Variants in GALNT18 observed in about 807,000 individuals in gnomAD.
The protein encoded by GALNT18 is GalNAc-transferase 18.
A neutral mutation model predicts 69.5 loss-of-function variants in GALNT18; 44 were observed. The observed-to-expected ratio is 0.63, with a 90% CI of 0.50 to 0.81. GALNT18 has a LOEUF of 0.81. GALNT18 is among the 40% of genes least tolerant of loss of function. The probability of loss-of-function intolerance (pLI) is 0.00; values close to 1 mark genes in which losing one functional copy is unlikely to be tolerated. For synonymous variants in GALNT18, 364 were observed against 318.2 expected (o/e 1.14, Z -1.53); for missense variants, 715 against 810.0 (o/e 0.88, Z 1.42).
intron 1 of GALNT18, among the ~76,000 whole-genome samples, chr11:11,495,292 T>A (rs536798688): frequency 6.6e-6 from 1 of 152,308 alleles, no homozygotes; most frequent in South Asian, 2.1e-4. Flanking sequence ...GCTAAACATG[T>A]TTCTTTCCGA....
At chr11:11,450,730 C>T (rs901995245) in intron 1 of GALNT18, among the ~76,000 whole-genome samples, 8 of 152,330 alleles carry the variant, frequency 5.3e-5, no homozygotes, top group South Asian at 2.1e-4. Context: ...ACTCCTACCA[C>T]GAGCCAGGCT....
intron 3 of GALNT18, among the ~76,000 whole-genome samples, chr11:11,412,293 C>A (rs899593521): frequency 1.2e-4 from 19 of 152,154 alleles, no homozygotes; most frequent in Non-Finnish European, 2.6e-4. Flanking sequence ...CCCTACTAGA[C>A]CCCTACTAGA....
chr11:11,605,915 C>T lies in GALNT18; in HGVS notation c.235+15444G>A, dbSNP rs1367492064. ...CACACTGCACACACGCTCATGCGCA[C>T]ACACACACACCACTGAGCTTCAGCT... On this transcript the variant is annotated intron_variant, in intron 1 of 10. Transcript: ENST00000227756. This position sits in a 1 kb window ranked among gnomAD's most constrained non-coding sequence, Gnocchi z 4.7. Among the ~76,000 whole-genome samples the T allele has an allele frequency of 6.6e-6, 1 of 152,074 alleles. No individual in the cohort carries two copies. Among genetic ancestry groups the T allele is most frequent in the East Asian group, 1.9e-4 (1 of 5,188 alleles).
chr11:11,593,814 C>T (rs981109746), intron 1 of GALNT18, among the ~76,000 whole-genome samples: 3 of 152,150 alleles, frequency 2.0e-5, no homozygotes, highest in African/African-American at 7.2e-5. Flanking sequence ...CAGCCTTTCT[C>T]AATTGCACTG....
intron 1 of GALNT18, among the ~76,000 whole-genome samples, chr11:11,577,760 G>C (rs927594478): frequency 6.6e-6 from 1 of 152,196 alleles, no homozygotes; most frequent in Non-Finnish European, 1.5e-5. Flanking sequence ...GGCACTTTGA[G>C]GGAGAGAGCA....
Position 11,511,092 on chromosome 11 carries a change from G to T in GALNT18, c.236-62156C>A, listed in dbSNP as rs1423573690. ...AGCCTGCCAGGTGATGCAAGAGAGG[G>T]CCAGGCTGCAGCTGAAGGCCTTCTC... On this transcript the variant is annotated intron_variant, in intron 1 of 10. Coordinates refer to ENST00000227756, the MANE Select transcript of GALNT18 (RefSeq NM_198516.3). The surrounding 1 kb of genome is among the most constrained non-coding windows in gnomAD (Gnocchi z 4.9). 2.0e-5 allele frequency among the ~76,000 whole-genome samples: 3 copies of T among 151,974 alleles called. No homozygotes were observed. The highest frequency in any genetic ancestry group is 3.9e-4 in the East Asian group (2 of 5,178).
At chr11:11,394,905 C>A (rs150288243) in intron 3 of GALNT18, among the ~76,000 whole-genome samples, 10 of 152,292 alleles carry the variant, frequency 6.6e-5, no homozygotes, top group Middle Eastern at 3.4e-3. Context: ...ACCATGGAAA[C>A]GACTCATAGA....
rs1342138735 is a variant in GALNT18, at chr11:11,397,257, C to T, written c.596-17993G>A. Among the ~76,000 whole-genome samples the T allele has an allele frequency of 2.6e-5, 4 of 152,034 alleles. No homozygotes were observed. The East Asian group carries it at 7.7e-4, about 29-fold the overall frequency. On this transcript the variant is annotated intron_variant, in intron 3 of 10. Transcript: ENST00000227756. Reference sequence around the variant, plus strand: ...GAAATGCCCGTGTCTTTTCACAGTGCCTGCTTGAGAGAGAAGGGGAGGCCA... The same window carrying T: ...GAAATGCCCGTGTCTTTTCACAGTGTCTGCTTGAGAGAGAAGGGGAGGCCA...
At chr11:11,517,980 C>T (rs1857318607) in intron 1 of GALNT18, among the ~76,000 whole-genome samples, 1 of 152,234 alleles carries the variant, frequency 6.6e-6, no homozygotes, top group Non-Finnish European at 1.5e-5. Context: ...TAGGCTTTCT[C>T]TATGCGCCAG....
intron 5 of GALNT18, among the ~76,000 whole-genome samples, chr11:11,376,418 G>GC (rs2133685075): frequency 7.2e-6 from 1 of 139,838 alleles, no homozygotes; most frequent in South Asian, 2.4e-4. Context: ...ATAAAAACTA[G>GC]TGGGGACAGC....
At position 11,532,666 on chromosome 11, in the gene GALNT18, A is replaced by G. The variant is rs28488680; in HGVS notation, c.236-83730T>C. Among the ~76,000 whole-genome samples the G allele has an allele frequency of 6.5e-3, 987 of 152,362 alleles. 19 individuals carry two copies. Among genetic ancestry groups the G allele is most frequent in the African/African-American group, 0.023 (947 of 41,584 alleles). ...TTGAACAACATAATGGAATATGTCT[A>G]TGGCTGCAGTCCTGGAAAAACACAG... On this transcript the variant is annotated intron_variant, in intron 1 of 10. Coordinates refer to ENST00000227756, the MANE Select transcript of GALNT18 (RefSeq NM_198516.3).
At position 11,386,231 on chromosome 11, in the gene GALNT18, T is replaced by G. The variant is rs184169888; in HGVS notation, c.596-6967A>C. Among the ~76,000 whole-genome samples the G allele has an allele frequency of 4.6e-5, 7 of 152,280 alleles. No individual in the cohort carries two copies. In the South Asian group the frequency reaches 6.2e-4, roughly 14 times the overall value. ...GGGATGACATTGCAGAGTCTCCAAG[T>G]CTCCTGGTGGTTCCCAGGATGATAG... On this transcript the variant is annotated intron_variant, in intron 3 of 10. Coordinates refer to ENST00000227756, the MANE Select transcript of GALNT18 (RefSeq NM_198516.3).
At chr11:11,380,889 A>G (rs1589954724) in intron 3 of GALNT18, among the ~76,000 whole-genome samples, 1 of 152,190 alleles carries the variant, frequency 6.6e-6, no homozygotes, top group East Asian at 1.9e-4. Context: ...TGATGAGCAT[A>G]TGGCCTTTCT....
intron 10 of GALNT18, among the ~76,000 whole-genome samples, chr11:11,279,046 G>A (rs146873857): frequency 0.025 from 3,828 of 152,274 alleles, 56 homozygotes; most frequent in Non-Finnish European, 0.04. Context: ...AGGTGGGGCC[G>A]GATCCCTCAT....
intron 9 of GALNT18, among the ~76,000 whole-genome samples, chr11:11,306,995 G>A (rs993478944): frequency 6.6e-6 from 1 of 152,214 alleles, no homozygotes; most frequent in African/African-American, 2.4e-5. Context: ...CCTAGCCTGT[G>A]AGATGATAAC....
chr11:11,465,103 G>A lies in GALNT18; in HGVS notation c.236-16167C>T, dbSNP rs1055242898. On this transcript the variant is annotated intron_variant, in intron 1 of 10. Transcript: ENST00000227756. This position sits in a 1 kb window ranked among gnomAD's most constrained non-coding sequence, Gnocchi z 5.7. ...AAGGCAACTTCTCTATCCTCTCTAC[G>A]AGGACAGAGAGAATACAGATCCCAC... Among the ~76,000 whole-genome samples, 4 of 152,124 alleles carry A rather than the reference G, an allele frequency of 2.6e-5. No individual in the cohort carries two copies. Among genetic ancestry groups the A allele is most frequent in the Admixed American group, 6.5e-5 (1 of 15,274 alleles).
In GALNT18 at chr11:11,382,760, T is replaced by C. The variant is rs1396537117; in HGVS notation, c.596-3496A>G. ...TTTTATTCCCTATGCAAGCTATCTT[T>C]AATTAATTTTTTGAAATTTCTATAA... On this transcript the variant is annotated intron_variant, in intron 3 of 10. Coordinates refer to ENST00000227756, the MANE Select transcript of GALNT18 (RefSeq NM_198516.3). This position sits in a 1 kb window ranked among gnomAD's most constrained non-coding sequence, Gnocchi z 4.3. Among the ~76,000 whole-genome samples, 1 of 152,232 alleles carries C rather than the reference T, an allele frequency of 6.6e-6. No homozygotes were observed. The highest frequency in any genetic ancestry group is 1.9e-4 in the East Asian group (1 of 5,202).
intron 10 of GALNT18, among the ~76,000 whole-genome samples, chr11:11,272,215 G>A (rs937106927): frequency 6.6e-6 from 1 of 152,152 alleles, no homozygotes; most frequent in African/African-American, 2.4e-5. Flanking sequence ...TGAGAAACAT[G>A]GACATTTTCA....
Position 11,270,892 on chromosome 11 carries a change from T to A in GALNT18, c.*252A>T. 1 of 369,234 alleles carries A rather than the reference T, an allele frequency of 2.7e-6. No individual in the cohort carries two copies. Among genetic ancestry groups the A allele is most frequent in the Non-Finnish European group, 4.9e-6 (1 of 204,342 alleles). 22.9% of individuals were successfully genotyped at this position (369,234 alleles called of 1,614,324 possible). A position where few individuals can be genotyped will look rare whatever the true frequency, so the allele number is the denominator to read the frequency against. ...TGCAAAACCCTTTTCTTAATAATAT[T>A]TTATTGTCAGTTATAAATATTTTCC... On this transcript the variant is annotated 3_prime_UTR_variant, in exon 11 of 11. Transcript: ENST00000227756.
Sources: allele counts gnomAD v4.1 joint callset (sites outside exome capture counted in the v4.1 genomes callset), GRCh38; gene constraint gnomAD v4.1.1; non-coding constraint Gnocchi (gnomAD v3.1); transcripts MANE v1.5; gene names NCBI Gene and HGNC (gene_info 2026-07-23, HGNC 2026-07-21).